Variants in ROBO1 observed in about 807,000 individuals in gnomAD.
The protein encoded by ROBO1 is roundabout guidance receptor 1.
A neutral mutation model predicts 195.9 loss-of-function variants in ROBO1; 149 were observed. That is an observed-to-expected ratio of 0.76 (90% CI 0.67 to 0.87). The LOEUF (loss-of-function observed/expected upper bound fraction) is 0.87, where lower values mean the gene tolerates loss of function less well. ROBO1 is among the 40% of genes least tolerant of loss of function. The probability of loss-of-function intolerance (pLI) is 0.00; values close to 1 mark genes in which losing one functional copy is unlikely to be tolerated. For missense variants in ROBO1, 1,933 were observed against 2,068.3 expected (o/e 0.93, Z 1.27); for synonymous variants, 816 against 733.2 (o/e 1.11, Z -1.82).
At chr3:78,636,302 G>A (rs1327828922) in intron 22 of ROBO1, among the ~76,000 whole-genome samples, 194 bp from the exon 23 acceptor site, 1 of 152,034 alleles carries the variant, frequency 6.6e-6, no homozygotes, top group Non-Finnish European at 1.5e-5. Flanking sequence ...AAATAAAAGA[G>A]GGTACACAGA....
chr3:79,111,277 G>A (rs1015443594), intron 3 of ROBO1, among the ~76,000 whole-genome samples: 3 of 152,120 alleles, frequency 2.0e-5, no homozygotes, highest in African/African-American at 4.8e-5. Context: ...TTACATTATA[G>A]AATGACTTTT....
intron 4 of ROBO1, among the ~76,000 whole-genome samples, chr3:78,819,252 T>A (rs139348683): frequency 6.6e-6 from 1 of 151,940 alleles, no homozygotes; most frequent in East Asian, 1.9e-4. Flanking sequence ...AATTTTAATG[T>A]CAAATTTAGT....
At chr3:78,743,357 T>C (rs2082578155) in intron 5 of ROBO1, among the ~76,000 whole-genome samples, 1 of 152,184 alleles carries the variant, frequency 6.6e-6, no homozygotes, top group South Asian at 2.1e-4. Context: ...CCAGCTGTAA[T>C]TGACTCAGTC....
At chr3:79,325,187 T>C (rs2034151593) in intron 2 of ROBO1, among the ~76,000 whole-genome samples, 1 of 152,226 alleles carries the variant, frequency 6.6e-6, no homozygotes, top group African/African-American at 2.4e-5. Context: ...TACTTGAATG[T>C]GCAAATTTGG....
intron 2 of ROBO1, among the ~76,000 whole-genome samples, chr3:79,537,270 A>G (rs1390794002): frequency 2.0e-5 from 3 of 152,034 alleles, no homozygotes; most frequent in African/African-American, 7.2e-5. Flanking sequence ...TCCTCCAAAA[A>G]CAGATCCTGA....
chr3:79,741,589 A>G (rs1380007764), intron 1 of ROBO1, among the ~76,000 whole-genome samples: 2 of 152,162 alleles, frequency 1.3e-5, no homozygotes, highest in African/African-American at 4.8e-5. Context: ...TTTATAACCA[A>G]AGATGCTTGA....
Position 79,303,159 on chromosome 3 carries a change from G to GTTTTTTTTTTTTTTTTTTTTTTTTT in ROBO1, c.89-177621_89-177620insAAAAAAAAAAAAAAAAAAAAAAAAA, listed in dbSNP as rs368110549. Among the ~76,000 whole-genome samples the GTTTTTTTTTTTTTTTTTTTTTTTTT allele has an allele frequency of 2.8e-4, 20 of 72,090 alleles. 9 individuals are homozygous for GTTTTTTTTTTTTTTTTTTTTTTTTT. The highest frequency in any genetic ancestry group is 3.8e-4 in the Admixed American group (2 of 5,284). 47.3% of individuals were successfully genotyped at this position (72,090 alleles called of 152,430 possible). On this transcript the variant is annotated intron_variant, in intron 2 of 30. Coordinates refer to ENST00000464233, the MANE Select transcript of ROBO1 (RefSeq NM_002941.4). Reference sequence around the variant, plus strand: ...ATTAATATATGAATTATCTCACATAGGTTTTTTTTTTTTTTTTTTTTTTTG... The same window carrying GTTTTTTTTTTTTTTTTTTTTTTTTT: ...ATTAATATATGAATTATCTCACATAGTTTTTTTTTTTTTTTTTTTTTTTTTGTTTTTTTTTTTTTTTTTTTTTTTG...
intron 4 of ROBO1, among the ~76,000 whole-genome samples, chr3:78,773,629 A>G (rs1364667386): frequency 1.3e-5 from 2 of 152,174 alleles, no homozygotes; most frequent in East Asian, 3.9e-4. Flanking sequence ...TTATTGATGT[A>G]TTTGGACAGG....
At chr3:79,183,079 T>TAAAAAAAAAAAA (rs2081374210) in intron 2 of ROBO1, among the ~76,000 whole-genome samples, 1 of 95,450 alleles carries the variant, frequency 1.0e-5, no homozygotes, top group Admixed American at 1.1e-4. Context: ...AGACTCCAAC[T>TAAAAAAAAAAAA]CAAAAAAAAA....
intron 20 of ROBO1, among the ~76,000 whole-genome samples, chr3:78,646,533 G>A (rs983930553): frequency 8.6e-5 from 13 of 150,424 alleles, no homozygotes; most frequent in African/African-American, 1.7e-4. Context: ...TTAGCATTCC[G>A]ATGGATTTCC....
At position 79,008,558 on chromosome 3, in the gene ROBO1, G is replaced by A. The variant is rs1459551010; in HGVS notation, c.173-69631C>T. Among the ~76,000 whole-genome samples, 2 of 151,110 alleles carry A rather than the reference G, an allele frequency of 1.3e-5. 1 individual carries two copies. Among genetic ancestry groups the A allele is most frequent in the Non-Finnish European group, 2.9e-5 (2 of 67,830 alleles). ...TATACATACAAAGTAACATATACAT[G>A]TATATTACATATATACATATATATA... On this transcript the variant is annotated intron_variant, in intron 3 of 30. Coordinates refer to ENST00000464233, the MANE Select transcript of ROBO1 (RefSeq NM_002941.4).
chr3:79,183,010 C>T (rs978432404), intron 2 of ROBO1, among the ~76,000 whole-genome samples: 6 of 147,548 alleles, frequency 4.1e-5, no homozygotes, highest in Admixed American at 1.4e-4. Flanking sequence ...GAACCCAGGA[C>T]GCGGAGTTTG....
At chr3:79,039,536 G>A (rs912016078) in intron 3 of ROBO1, among the ~76,000 whole-genome samples, 4 of 152,036 alleles carry the variant, frequency 2.6e-5, no homozygotes, top group African/African-American at 9.7e-5. Flanking sequence ...TGTGGCTCAC[G>A]CCTGTAATCC....
chr3:78,699,519 A>G, intron 8 of ROBO1, among the ~76,000 whole-genome samples: 1 of 150,934 alleles, frequency 6.6e-6, no homozygotes, highest in East Asian at 1.9e-4. Flanking sequence ...CAGTGAGTCA[A>G]GATCACGCCA....
intron 2 of ROBO1, among the ~76,000 whole-genome samples, chr3:79,350,889 G>T (rs1442608242): frequency 6.6e-6 from 1 of 151,968 alleles, no homozygotes; most frequent in Admixed American, 6.6e-5. Flanking sequence ...CTATTCACAG[G>T]CACCATCACA....
At chr3:79,332,262 A>G (rs1024798876) in intron 2 of ROBO1, among the ~76,000 whole-genome samples, 1 of 152,152 alleles carries the variant, frequency 6.6e-6, no homozygotes, top group African/African-American at 2.4e-5. Flanking sequence ...AAACACAAGA[A>G]GGCAGAGAGT....
At chr3:79,396,552 A>G (rs2037163963) in intron 2 of ROBO1, among the ~76,000 whole-genome samples, 1 of 152,134 alleles carries the variant, frequency 6.6e-6, no homozygotes, top group African/African-American at 2.4e-5. Flanking sequence ...TTCCAGTTCA[A>G]AAGAGTATCA....
At chr3:78,783,961 T>A (rs1348418567) in intron 4 of ROBO1, among the ~76,000 whole-genome samples, 2 of 152,128 alleles carry the variant, frequency 1.3e-5, no homozygotes, top group African/African-American at 4.8e-5. Context: ...TGTGGCTCTA[T>A]GAAATATTAA....
At chr3:79,305,015 T>A (rs1482187448) in intron 2 of ROBO1, among the ~76,000 whole-genome samples, 2 of 152,176 alleles carry the variant, frequency 1.3e-5, no homozygotes, top group Non-Finnish European at 2.9e-5. Context: ...CAATACGTGG[T>A]ATGGTTAGTG....
Sources: gnomAD v4.1 joint callset for allele counts (sites outside exome capture counted in the v4.1 genomes callset) on GRCh38, gnomAD v4.1.1 for gene constraint, MANE v1.5 for transcripts, NCBI Gene and HGNC (gene_info 2026-07-23, HGNC 2026-07-21) for gene names.